Variants in RAB8B observed in about 807,000 individuals in gnomAD.
The protein encoded by RAB8B is RAB8B, member RAS oncogene family.
RAB8B carries 11 observed loss-of-function variants against 32.0 expected under a neutral mutation model. The ratio of observed to expected loss-of-function variants is 0.34; its 90% CI spans 0.22 to 0.57. The LOEUF (loss-of-function observed/expected upper bound fraction) is 0.57. Ranked by LOEUF, RAB8B falls within the 20% of genes least tolerant of loss-of-function variation. The pLI, the probability that RAB8B is intolerant of heterozygous loss-of-function variation, is 0.86. For synonymous variants in RAB8B, 103 were observed against 89.6 expected, an observed-to-expected ratio of 1.15 and a Z score of -0.85; for missense variants, 190 against 258.5, an observed-to-expected ratio of 0.73 and a Z score of 1.82.
At chr15:63,215,559 A>G (rs2037785226) in intron 1 of RAB8B, among the ~76,000 whole-genome samples, 2 of 152,216 alleles carry the variant, frequency 1.3e-5, no homozygotes, top group African/African-American at 4.8e-5. Context: ...TCAAAAGGAA[A>G]GTTCTTTCTA....
intron 1 of RAB8B, among the ~76,000 whole-genome samples, chr15:63,211,717 C>T (rs914460057): frequency 2.0e-5 from 3 of 152,138 alleles, no homozygotes; most frequent in African/African-American, 4.8e-5. Context: ...TTGACTGACA[C>T]TAGTCAATTG....
At chr15:63,219,669 C>T (rs2037827124) in intron 1 of RAB8B, among the ~76,000 whole-genome samples, 1 of 152,232 alleles carries the variant, frequency 6.6e-6, no homozygotes. Context: ...CAGAAAGCCA[C>T]TGCTGTGGGG....
chr15:63,197,773 G>A (rs2037615670), intron 1 of RAB8B, among the ~76,000 whole-genome samples: 1 of 152,100 alleles, frequency 6.6e-6, no homozygotes, highest in Non-Finnish European at 1.5e-5. Context: ...ATTGGTAGTG[G>A]CTGCCAGGAA....
intron 1 of RAB8B, among the ~76,000 whole-genome samples, chr15:63,202,423 CCA>C (rs1458458905): frequency 6.6e-6 from 1 of 152,218 alleles, no homozygotes; most frequent in Non-Finnish European, 1.5e-5. Context: ...CTCTTGGCCC[CCA>C]GAGGTCAGTG....
At chr15:63,221,338 G>T (rs1329459733) in intron 1 of RAB8B, among the ~76,000 whole-genome samples, 1 of 152,314 alleles carries the variant, frequency 6.6e-6, no homozygotes, top group African/African-American at 2.4e-5. Flanking sequence ...TTTGGGAGAA[G>T]GGAGGGATTA....
intron 1 of RAB8B, among the ~76,000 whole-genome samples, chr15:63,202,344 G>A (rs898678919): frequency 1.8e-4 from 28 of 152,232 alleles, no homozygotes; most frequent in African/African-American, 6.3e-4. Context: ...TATGTTGAGT[G>A]GGAAGATGAA....
At chr15:63,249,074 G>A (rs2038094062) in intron 2 of RAB8B, among the ~76,000 whole-genome samples, 2 of 152,140 alleles carry the variant, frequency 1.3e-5, no homozygotes, top group South Asian at 4.1e-4. Flanking sequence ...AAAAGTCTTT[G>A]AAAACGTTGT....
intron 1 of RAB8B, among the ~76,000 whole-genome samples, chr15:63,197,328 A>G (rs2037608729): frequency 1.4e-5 from 2 of 146,178 alleles, no homozygotes; most frequent in African/African-American, 2.5e-5. Context: ...ACTGTCTTGA[A>G]GTGGCTTTCT....
At position 63,262,749 on chromosome 15, in the gene RAB8B, A is replaced by G; in HGVS notation, c.531+7A>G. 1.4e-6 allele frequency: 2 copies of G among 1,408,950 alleles called. No homozygotes were observed. Among genetic ancestry groups the G allele is most frequent in the Non-Finnish European group, 1.9e-6 (2 of 1,059,998 alleles). 87.3% of individuals were successfully genotyped at this position (1,408,950 alleles called of 1,614,324 possible). ...AAAACTCAACAGAAAAATGGTTTGT[A>G]TCACTTATAATTTTTATTTCCATTA... On this transcript the variant is annotated splice_region_variant and intron_variant, in intron 7 of 7. Transcript: ENST00000321437.
At chr15:63,245,428 T>A (rs926321275) in intron 2 of RAB8B, among the ~76,000 whole-genome samples, 1 of 152,268 alleles carries the variant, frequency 6.6e-6, no homozygotes, top group African/African-American at 2.4e-5. Flanking sequence ...ACTTTTTTTC[T>A]CATACATAGC....
At chr15:63,260,867 A>G (rs2038198254) in intron 6 of RAB8B, among the ~76,000 whole-genome samples, 2 of 152,024 alleles carry the variant, frequency 1.3e-5, no homozygotes, top group South Asian at 2.1e-4. Flanking sequence ...ATTGTTCATC[A>G]TAACATGATG....
chr15:63,263,401 A>G, intron 7 of RAB8B, 126 bp from the exon 8 acceptor site: 1 of 663,936 alleles, frequency 1.5e-6, no homozygotes, highest in Non-Finnish European at 2.6e-6. Flanking sequence ...AAAATACTCT[A>G]GTGAATACAC....
chr15:63,251,701 A>G (rs1266916441), intron 3 of RAB8B, among the ~76,000 whole-genome samples: 4 of 152,194 alleles, frequency 2.6e-5, no homozygotes, highest in East Asian at 1.9e-4. Flanking sequence ...GCTGTATACA[A>G]TGCCAGTGTC....
intron 6 of RAB8B, among the ~76,000 whole-genome samples, chr15:63,261,311 T>A (rs2038202005): frequency 6.6e-6 from 1 of 152,154 alleles, no homozygotes; most frequent in African/African-American, 2.4e-5. Context: ...GGAACCCTCA[T>A]ATACTGTGGG....
Position 63,259,335 on chromosome 15 carries a change from G to A in RAB8B, c.415-292G>A, listed in dbSNP as rs558022772. 2.0e-5 allele frequency among the ~76,000 whole-genome samples: 3 copies of A among 151,998 alleles called. No individual in the cohort carries two copies. The highest frequency in any genetic ancestry group is 4.4e-5 in the Non-Finnish European group (3 of 67,982). On this transcript the variant is annotated intron_variant, in intron 5 of 7. Transcript: ENST00000321437. The surrounding 1 kb of genome is among the most constrained non-coding windows in gnomAD (Gnocchi z 4.4). ...GGGGTTTCATCATGTTAGCAAGGAG[G>A]GTCTCGATCTCCTGACCTCGTGATC...
At chr15:63,249,600 C>T (rs1304234108) in intron 2 of RAB8B, 45 bp from the exon 3 acceptor site, 7 of 1,567,450 alleles carry the variant, frequency 4.5e-6, no homozygotes, top group Non-Finnish European at 6.1e-6. Context: ...CTCAGTGATG[C>T]TGGTGATGAC....
chr15:63,235,390 A>C (rs750573465), intron 1 of RAB8B, among the ~76,000 whole-genome samples: 4 of 152,258 alleles, frequency 2.6e-5, no homozygotes, highest in Non-Finnish European at 5.9e-5. Context: ...CCGTTAATGA[A>C]CATACCTCCA....
At chr15:63,208,265 A>G (rs1259375903) in intron 1 of RAB8B, among the ~76,000 whole-genome samples, 1 of 152,152 alleles carries the variant, frequency 6.6e-6, no homozygotes, top group Non-Finnish European at 1.5e-5. Flanking sequence ...CTGTGGCCAC[A>G]TTTTCAGCTG....
chr15:63,236,853 TCTAA>T (rs1344771121), intron 1 of RAB8B, among the ~76,000 whole-genome samples: 3 of 152,202 alleles, frequency 2.0e-5, no homozygotes, highest in Admixed American at 2.0e-4. Context: ...TAGGTCTTAT[TCTAA>T]CTATTTTTTG....
Sources: gnomAD v4.1 joint callset for allele counts (sites outside exome capture counted in the v4.1 genomes callset) on GRCh38, gnomAD v4.1.1 for gene constraint, Gnocchi (gnomAD v3.1) non-coding constraint, MANE v1.5 for transcripts, NCBI Gene and HGNC (gene_info 2026-07-23, HGNC 2026-07-21) for gene names.